NRG3: variants seen among roughly 807,000 people sequenced by gnomAD.
NRG3 encodes the protein pro-neuregulin-3, membrane-bound isoform.
In NRG3, 31 loss-of-function variants were observed where a neutral mutation model predicts 66.9. That is an observed-to-expected ratio of 0.46 (90% CI 0.35 to 0.63). The LOEUF is 0.63. Among genes scored for constraint, NRG3 ranks in the 20% least tolerant of loss-of-function variants. NRG3 has a pLI of 0.00. For missense variants in NRG3, 910 were observed against 878.9 expected, an observed-to-expected ratio of 1.04 and a Z score of -0.45; for synonymous variants, 393 against 359.4, an observed-to-expected ratio of 1.09 and a Z score of -1.06.
chr10:81,943,785 C>T (rs1287680122), intron 1 of NRG3, among the ~76,000 whole-genome samples: 5 of 152,194 alleles, frequency 3.3e-5, no homozygotes, highest in East Asian at 1.9e-4. Flanking sequence ...CCATTACAAT[C>T]GTGGTGCTTT....
rs147101002 is a variant in NRG3, at chr10:82,480,918, T to G, written c.953+122050T>G. Among the ~76,000 whole-genome samples the G allele has an allele frequency of 3.2e-4, 48 of 152,348 alleles. No individual in the cohort carries two copies. In the East Asian group the frequency reaches 8.1e-3, roughly 26 times the overall value. ...ATACAATGAGACAATCTACCAGTGT[T>G]GGAGGACGATTTGGCTAACATCCTG... On this transcript the variant is annotated intron_variant, in intron 2 of 8. Transcript: ENST00000372141.
At chr10:82,914,527 T>C (rs923141396) in intron 4 of NRG3, among the ~76,000 whole-genome samples, 3 of 152,176 alleles carry the variant, frequency 2.0e-5, no homozygotes, top group African/African-American at 7.2e-5. Context: ...GATGCCCTTG[T>C]TTTTGTCTTC....
At chr10:82,034,251 AT>A (rs1212200314) in intron 1 of NRG3, among the ~76,000 whole-genome samples, 1 of 152,128 alleles carries the variant, frequency 6.6e-6, no homozygotes, top group Admixed American at 6.5e-5. Flanking sequence ...ATGACCCATT[AT>A]TTAAAGGTTC....
intron 2 of NRG3, among the ~76,000 whole-genome samples, chr10:82,659,019 T>G (rs1003224096): frequency 1.3e-5 from 2 of 152,222 alleles, no homozygotes; most frequent in Non-Finnish European, 2.9e-5. Context: ...CAATGGAATT[T>G]CAAACATTAA....
chr10:81,914,034 A>G (rs1221995503), intron 1 of NRG3, among the ~76,000 whole-genome samples: 1 of 152,198 alleles, frequency 6.6e-6, no homozygotes, highest in African/African-American at 2.4e-5. Context: ...GGCAGCTGTA[A>G]GGGCTGTCCT....
intron 1 of NRG3, among the ~76,000 whole-genome samples, chr10:82,205,586 C>A (rs1289584167): frequency 6.6e-6 from 1 of 152,092 alleles, no homozygotes; most frequent in Non-Finnish European, 1.5e-5. Context: ...GTACCAAATT[C>A]AGGGATATGT....
intron 2 of NRG3, among the ~76,000 whole-genome samples, chr10:82,448,347 T>C (rs2090848481): frequency 6.6e-6 from 1 of 152,240 alleles, no homozygotes; most frequent in Admixed American, 6.5e-5. Flanking sequence ...AAAGAAATCA[T>C]GTTTGCACTG....
intron 2 of NRG3, among the ~76,000 whole-genome samples, chr10:82,612,596 A>C (rs953304737): frequency 6.6e-6 from 1 of 152,128 alleles, no homozygotes; most frequent in African/African-American, 2.4e-5. Flanking sequence ...ATATCCATGA[A>C]TCTTTTTATC....
chr10:82,865,246 G>C (rs1840596305), intron 3 of NRG3, among the ~76,000 whole-genome samples, 165 bp from the exon 4 acceptor site: 1 of 152,140 alleles, frequency 6.6e-6, no homozygotes, highest in South Asian at 2.1e-4. Context: ...CTCTACTGTT[G>C]GTGATCTGTA....
chr10:82,269,170 T>C (rs2078462772), intron 1 of NRG3, among the ~76,000 whole-genome samples: 1 of 152,166 alleles, frequency 6.6e-6, no homozygotes, highest in African/African-American at 2.4e-5. Context: ...GTCACTATTT[T>C]ATCCACTCTT....
chr10:82,305,676 A>G (rs545427413), intron 1 of NRG3, among the ~76,000 whole-genome samples: 3 of 152,168 alleles, frequency 2.0e-5, no homozygotes, highest in African/African-American at 7.2e-5. Flanking sequence ...TTACTAATAT[A>G]TCCTATAGGT....
intron 7 of NRG3, among the ~76,000 whole-genome samples, chr10:82,976,196 C>T (rs375500597): frequency 3.9e-5 from 6 of 152,074 alleles, no homozygotes; most frequent in African/African-American, 1.4e-4. Flanking sequence ...GCTGGGACTA[C>T]AGGCACATGC....
At chr10:82,655,886 G>C (rs2051809395) in intron 2 of NRG3, among the ~76,000 whole-genome samples, 1 of 152,112 alleles carries the variant, frequency 6.6e-6, no homozygotes, top group Non-Finnish European at 1.5e-5. Flanking sequence ...CAAGATGTCA[G>C]GACATCTTTG....
intron 2 of NRG3, among the ~76,000 whole-genome samples, chr10:82,689,860 T>C (rs1370945207): frequency 6.6e-6 from 1 of 152,192 alleles, no homozygotes. Context: ...CTAAATAGAC[T>C]TCGTACATTT....
chr10:81,938,867 C>T (rs1848151624), intron 1 of NRG3, among the ~76,000 whole-genome samples: 1 of 151,754 alleles, frequency 6.6e-6, no homozygotes, highest in East Asian at 1.9e-4. Flanking sequence ...TGAATTTTTT[C>T]TTGTTGAGTA....
chr10:82,019,967 T>C (rs1324777283), intron 1 of NRG3, among the ~76,000 whole-genome samples: 2 of 152,148 alleles, frequency 1.3e-5, no homozygotes, highest in Non-Finnish European at 1.5e-5. Context: ...AGTAATTTCT[T>C]GCCATCTGCT....
chr10:81,964,367 G>T (rs1274292278), intron 1 of NRG3, among the ~76,000 whole-genome samples: 1 of 128,976 alleles, frequency 7.8e-6, no homozygotes, highest in Admixed American at 9.7e-5. Flanking sequence ...CTGCACTCCA[G>T]CTTGGGCAAC....
At chr10:82,827,598 G>A (rs2483309) in intron 3 of NRG3, among the ~76,000 whole-genome samples, 39,308 of 152,026 alleles carry the variant, frequency 0.26, 5,646 homozygotes, top group African/African-American at 0.37. Flanking sequence ...CTAATTATCC[G>A]TGTCTGTAAT....
chr10:82,320,056 G>A (rs144840447), intron 1 of NRG3, among the ~76,000 whole-genome samples: 4 of 152,262 alleles, frequency 2.6e-5, no homozygotes, highest in East Asian at 3.9e-4. Context: ...CTGATATTTC[G>A]TGTGTCATCT....
Sources: gnomAD v4.1 joint callset for allele counts (sites outside exome capture counted in the v4.1 genomes callset) on GRCh38, gnomAD v4.1.1 for gene constraint, MANE v1.5 for transcripts, NCBI Gene and HGNC (gene_info 2026-07-23, HGNC 2026-07-21) for gene names.